Variants in SORL1 observed in about 807,000 individuals in gnomAD.
SORL1 encodes sortilin-related receptor.
SORL1 carries 127 observed loss-of-function variants against 273.7 expected under a neutral mutation model. The observed-to-expected ratio is 0.46, with a 90% CI of 0.40 to 0.54. The LOEUF (loss-of-function observed/expected upper bound fraction) is 0.54, where lower values mean the gene tolerates loss of function less well. Ranked by LOEUF, SORL1 falls within the 20% of genes least tolerant of loss-of-function variation. The probability of loss-of-function intolerance (pLI) is 0.00; values close to 1 mark genes in which losing one functional copy is unlikely to be tolerated. For synonymous variants in SORL1, 1,031 were observed against 1,067.4 expected (o/e 0.97, Z 0.66); for missense variants, 2,494 against 2,846.1 (o/e 0.88, Z 2.81).
At chr11:121,477,914 C>G (rs1360501349) in intron 2 of SORL1, among the ~76,000 whole-genome samples, 1 of 151,912 alleles carries the variant, frequency 6.6e-6, no homozygotes, top group Non-Finnish European at 1.5e-5. Flanking sequence ...TGCCTGTAAT[C>G]CCAGCTACTT....
At chr11:121,508,003 G>A (rs921034916) in intron 6 of SORL1, among the ~76,000 whole-genome samples, 1 of 152,164 alleles carries the variant, frequency 6.6e-6, no homozygotes, top group Non-Finnish European at 1.5e-5. Context: ...CTGCTATCAA[G>A]TTTGTGTTCT....
At chr11:121,538,426 T>C (rs1862298133) in intron 12 of SORL1, among the ~76,000 whole-genome samples, 1 of 152,224 alleles carries the variant, frequency 6.6e-6, no homozygotes, top group African/African-American at 2.4e-5. Context: ...TGTTTGTATG[T>C]TTTGTATTTG....
At chr11:121,530,162 T>C (rs1862182354) in intron 11 of SORL1, among the ~76,000 whole-genome samples, 1 of 152,238 alleles carries the variant, frequency 6.6e-6, no homozygotes, top group Non-Finnish European at 1.5e-5. Context: ...CACAAAGCAG[T>C]GTTTGTTTTT....
At chr11:121,625,396 A>G (rs1195139140) in intron 46 of SORL1, 119 bp downstream of exon 46, 1 of 820,074 alleles carries the variant, frequency 1.2e-6, no homozygotes, top group East Asian at 2.7e-5. Context: ...AGCTTAAAAG[A>G]AAATCATTTA....
At chr11:121,583,696 C>A in intron 26 of SORL1, 113 bp downstream of exon 26, 3 of 1,143,622 alleles carry the variant, frequency 2.6e-6, no homozygotes, top group Non-Finnish European at 3.6e-6. Context: ...CCTGTATTTA[C>A]ACTCTGAAAC....
At chr11:121,488,674 C>T (rs1861510683) in intron 4 of SORL1, among the ~76,000 whole-genome samples, 1 of 152,166 alleles carries the variant, frequency 6.6e-6, no homozygotes, top group Admixed American at 6.5e-5. Flanking sequence ...GCGTGTGTAT[C>T]ATATAAATGT....
At chr11:121,551,379 G>A (rs1343790109) in intron 16 of SORL1, among the ~76,000 whole-genome samples, 2 of 152,146 alleles carry the variant, frequency 1.3e-5, no homozygotes, top group Admixed American at 6.5e-5. Flanking sequence ...TCTCTGAAAT[G>A]ATTCACATGC....
intron 3 of SORL1, among the ~76,000 whole-genome samples, chr11:121,482,369 T>C (rs1421108024): frequency 6.6e-6 from 1 of 152,152 alleles, no homozygotes; most frequent in East Asian, 1.9e-4. Flanking sequence ...TGGATATTCT[T>C]TGGAGTTGGT....
At chr11:121,569,283 G>A (rs921065511) in intron 22 of SORL1, among the ~76,000 whole-genome samples, 3 of 152,148 alleles carry the variant, frequency 2.0e-5, no homozygotes, top group African/African-American at 7.2e-5. Flanking sequence ...ATGTGTGTTT[G>A]AACAATATGA....
intron 7 of SORL1, 90 bp downstream of exon 7, chr11:121,513,194 G>C (rs1367664437): frequency 3.1e-6 from 3 of 971,454 alleles, no homozygotes; most frequent in Non-Finnish European, 5.0e-6. Context: ...GCCTGCTGGA[G>C]TGGATATTTT....
intron 19 of SORL1, among the ~76,000 whole-genome samples, chr11:121,558,388 A>G (rs565925887): frequency 2.6e-5 from 4 of 152,302 alleles, no homozygotes; most frequent in South Asian, 4.1e-4. Context: ...ATTTGATTTT[A>G]TCTATAGATA....
intron 25 of SORL1, 24 bp downstream of exon 25, chr11:121,577,424 G>A: frequency 6.4e-7 from 1 of 1,563,000 alleles, no homozygotes. Flanking sequence ...GGACTCAGTT[G>A]ACAGCACTCA....
At chr11:121,532,972 C>T (rs1379084234) in intron 12 of SORL1, among the ~76,000 whole-genome samples, 1 of 152,170 alleles carries the variant, frequency 6.6e-6, no homozygotes, top group East Asian at 1.9e-4. Context: ...GTGTGAGCCA[C>T]TGTGCCCACC....
intron 21 of SORL1, 26 bp downstream of exon 21, chr11:121,559,683 T>C (rs751745397): frequency 6.8e-6 from 11 of 1,609,548 alleles, no homozygotes; most frequent in African/African-American, 1.3e-5. Context: ...TTCTTTTGTC[T>C]CTGTAGAGTT....
intron 12 of SORL1, among the ~76,000 whole-genome samples, chr11:121,535,672 T>A (rs2134875726): frequency 6.7e-6 from 1 of 149,282 alleles, no homozygotes; most frequent in African/African-American, 2.4e-5. Context: ...ACATTAGGGT[T>A]TTTTTTTTTT....
chr11:121,455,194 A>G (rs1002612829), intron 1 of SORL1, among the ~76,000 whole-genome samples: 8 of 152,140 alleles, frequency 5.3e-5, no homozygotes, highest in Non-Finnish European at 1.0e-4. Context: ...AGGCATGTCA[A>G]TGTACCAGGA....
chr11:121,586,251 A>G lies in SORL1; in HGVS notation c.3736A>G (p.Asn1246Asp), dbSNP rs1322007624. ...EKKCNGFRCP[N>D]GTCIPSSKHC... The stretch of plus-strand genomic sequence containing the variant: ...GAAGTGCAATGGATTCCGCTGCCCA[A>G]ACGGCACTTGCATCCCATCCAGCAA... The change falls in exon 27 of 48, where the codon AAC (asparagine) becomes GAC (aspartate). Residue 1246 changes from asparagine (N) to aspartate (D), a missense_variant. Coordinates refer to ENST00000260197, the MANE Select transcript of SORL1 (RefSeq NM_003105.6). 16 of 1,613,836 alleles carry G rather than the reference A, an allele frequency of 9.9e-6. No homozygotes were observed. Among genetic ancestry groups the G allele is most frequent in the East Asian group, 2.2e-5 (1 of 44,886 alleles).
chr11:121,560,140 A>G (rs1235144357), intron 21 of SORL1, among the ~76,000 whole-genome samples: 2 of 152,190 alleles, frequency 1.3e-5, no homozygotes, highest in African/African-American at 4.8e-5. Flanking sequence ...TGTTGTTTTA[A>G]TTAACTTTTC....
At chr11:121,625,620 A>C (rs965094256) in intron 46 of SORL1, among the ~76,000 whole-genome samples, 1 of 152,186 alleles carries the variant, frequency 6.6e-6, no homozygotes, top group African/African-American at 2.4e-5. Flanking sequence ...TATCCTGTGG[A>C]TCTCCAAGCC....
Sources: allele counts gnomAD v4.1 joint callset (sites outside exome capture counted in the v4.1 genomes callset), GRCh38; gene constraint gnomAD v4.1.1; transcripts MANE v1.5; gene names NCBI Gene and HGNC (gene_info 2026-07-23, HGNC 2026-07-21).